DNAL1: variants seen among roughly 807,000 people sequenced by gnomAD.
DNAL1 encodes dynein axonemal light chain 1.
In DNAL1, 17 loss-of-function variants were observed where a neutral mutation model predicts 29.4. The ratio of observed to expected loss-of-function variants is 0.58; its 90% CI spans 0.40 to 0.87. DNAL1 has a LOEUF of 0.87. Among genes scored for constraint, DNAL1 ranks in the 40% least tolerant of loss-of-function variants. DNAL1 has a pLI of 0.00. For missense variants in DNAL1, 188 were observed against 214.1 expected (o/e 0.88, Z 0.76); for synonymous variants, 78 against 76.3 (o/e 1.02, Z -0.12).
At chr14:73,656,843 T>C (rs1323807121) in intron 2 of DNAL1, among the ~76,000 whole-genome samples, 1 of 152,174 alleles carries the variant, frequency 6.6e-6, no homozygotes, top group Non-Finnish European at 1.5e-5. Context: ...CCTACAAATA[T>C]ATGTCATAAA....
At chr14:73,683,377 C>T (rs1400794431) in intron 5 of DNAL1, among the ~76,000 whole-genome samples, 1 of 152,118 alleles carries the variant, frequency 6.6e-6, no homozygotes, top group Non-Finnish European at 1.5e-5. Context: ...ATGCCTTGTG[C>T]TACCACATTA....
rs3041353 is a variant in DNAL1, at chr14:73,691,996, C to CT, written c.532+2500dup. Among the ~76,000 whole-genome samples, 844 of 113,630 alleles carry CT rather than the reference C, an allele frequency of 7.4e-3. 5 individuals are homozygous for CT. Among genetic ancestry groups the CT allele is most frequent in the Non-Finnish European group, 9.0e-3 (525 of 58,114 alleles). The allele number at this position is 113,630 out of a possible 152,430, so 74.5% of individuals were successfully genotyped here. Reference sequence around the variant, plus strand: ...TAGGCGGTGAGCCACTGTGCCCAGACTTTTTTTTTTTTTTTTTTTGAGACA... The same window carrying CT: ...TAGGCGGTGAGCCACTGTGCCCAGACTTTTTTTTTTTTTTTTTTTTGAGACA... On this transcript the variant is annotated intron_variant, in intron 7 of 7. Transcript: ENST00000553645.
intron 5 of DNAL1, among the ~76,000 whole-genome samples, chr14:73,683,225 A>G (rs1891934391): frequency 6.6e-6 from 1 of 152,202 alleles, no homozygotes; most frequent in African/African-American, 2.4e-5. Context: ...TTAAATAACT[A>G]TAAAAAGTAT....
At chr14:73,666,372 A>T (rs1891478267) in intron 4 of DNAL1, among the ~76,000 whole-genome samples, 1 of 152,194 alleles carries the variant, frequency 6.6e-6, no homozygotes, top group African/African-American at 2.4e-5. Flanking sequence ...AATAATCTTA[A>T]AGATTAGAAA....
At chr14:73,656,283 GA>G (rs1189497130) in intron 2 of DNAL1, among the ~76,000 whole-genome samples, 1 of 151,568 alleles carries the variant, frequency 6.6e-6, no homozygotes, top group African/African-American at 2.4e-5. Flanking sequence ...AAATCTTAAG[GA>G]AAAAAAGCAT....
chr14:73,674,013 T>C (rs1474971762), intron 5 of DNAL1, among the ~76,000 whole-genome samples: 1 of 151,704 alleles, frequency 6.6e-6, no homozygotes, highest in Non-Finnish European at 1.5e-5. Flanking sequence ...AATAGCTGTC[T>C]CAGTAAATTA....
At chr14:73,659,026 G>A in intron 3 of DNAL1, 70 bp downstream of exon 3, 3 of 1,091,606 alleles carry the variant, frequency 2.7e-6, no homozygotes, top group Non-Finnish European at 3.8e-6. Flanking sequence ...ACACAAAGTA[G>A]GAAAATATGT....
At chr14:73,664,582 A>T (rs1891431334) in intron 4 of DNAL1, among the ~76,000 whole-genome samples, 1 of 152,162 alleles carries the variant, frequency 6.6e-6, no homozygotes, top group African/African-American at 2.4e-5. Context: ...TAAGATTAAG[A>T]ATGCAGCCAG....
intron 1 of DNAL1, among the ~76,000 whole-genome samples, chr14:73,647,668 C>G (rs1891012435): frequency 6.6e-6 from 1 of 152,164 alleles, no homozygotes. Flanking sequence ...TTAGTTAAGT[C>G]CATGAGGACC....
chr14:73,646,765 TAAAC>T (rs199640294), intron 1 of DNAL1, among the ~76,000 whole-genome samples: 3 of 151,820 alleles, frequency 2.0e-5, no homozygotes, highest in South Asian at 2.1e-4. Flanking sequence ...CTGTCTCAAA[TAAAC>T]AAACAAACAA....
At chr14:73,652,148 G>A (rs914540145) in intron 1 of DNAL1, among the ~76,000 whole-genome samples, 3 of 151,952 alleles carry the variant, frequency 2.0e-5, no homozygotes, top group African/African-American at 4.8e-5. Context: ...TGGTCCTCCC[G>A]CCTCAGCCCC....
intron 7 of DNAL1, among the ~76,000 whole-genome samples, chr14:73,690,639 C>T (rs890635795): frequency 6.8e-5 from 10 of 147,684 alleles, no homozygotes; most frequent in African/African-American, 2.5e-4. Context: ...GCAACAAGAG[C>T]GAAACTCCGT....
intron 5 of DNAL1, among the ~76,000 whole-genome samples, chr14:73,682,337 A>ATTTTTTTTTTTTTTT (rs57403758): frequency 1.1e-5 from 1 of 93,402 alleles, no homozygotes; most frequent in Non-Finnish European, 2.0e-5. Context: ...TGCCTGGCTA[A>ATTTTTTTTTTTTTTT]TTTTTTTTTT....
chr14:73,701,799 C>A lies in DNAL1; in HGVS notation c.*5857C>A, dbSNP rs1892442306. On this transcript the variant is annotated 3_prime_UTR_variant, in exon 8 of 8. Transcript: ENST00000553645. ...AAGAACATTTTAACATCTATGAATA[C>A]CTTGGTAATAATCTTTTATACACAG... 6.6e-6 allele frequency: 1 copy of A among 152,060 alleles called. No individual in the cohort carries two copies. The highest frequency in any genetic ancestry group is 2.4e-5 in the African/African-American group (1 of 41,400). The allele number at this position is 152,060 out of a possible 1,614,324, so 9.4% of individuals were successfully genotyped here.
intron 3 of DNAL1, among the ~76,000 whole-genome samples, chr14:73,661,125 C>T (rs1282438552): frequency 6.6e-6 from 1 of 151,862 alleles, no homozygotes; most frequent in East Asian, 1.9e-4. Flanking sequence ...GATCATGCCA[C>T]TGCACTCCAG....
In DNAL1 at chr14:73,658,854, A is replaced by T; in HGVS notation, c.50A>T (p.Lys17Ile). 1 of 1,603,186 alleles carries T rather than the reference A, an allele frequency of 6.2e-7. No individual in the cohort carries two copies. The highest frequency in any genetic ancestry group is 8.5e-7 in the Non-Finnish European group (1 of 1,174,498). The change falls in exon 3 of 8, where the codon AAA (lysine) becomes ATA (isoleucine). Residue 17 changes from lysine to isoleucine, a missense_variant. Physicochemically the swap from Lys to Ile is moderately radical, Grantham distance 102. Coordinates refer to ENST00000553645, the MANE Select transcript of DNAL1 (RefSeq NM_031427.4). Reference sequence around the variant, plus strand: ...AATGTATTTTTCTCATAGGAAGAGAAAACTGGCCAGAGGCCATCTGAAGCC... The same window carrying T: ...AATGTATTTTTCTCATAGGAAGAGATAACTGGCCAGAGGCCATCTGAAGCC... The part of the protein sequence containing the change: ...IKEALARWEE[K>I]TGQRPSEAKE...
chr14:73,694,816 A>G (rs1892265019), intron 7 of DNAL1, among the ~76,000 whole-genome samples: 1 of 150,930 alleles, frequency 6.6e-6, no homozygotes, highest in African/African-American at 2.4e-5. Context: ...CAGCCTTCTG[A>G]GTAGATGGGA....
chr14:73,672,840 C>T (rs1891647720), intron 5 of DNAL1: 1 of 150,436 alleles, frequency 6.6e-6, no homozygotes, highest in South Asian at 2.1e-4. Flanking sequence ...ACTGCAACCT[C>T]CGCCTCCCGG....
At position 73,703,307 on chromosome 14, in the gene DNAL1, T is replaced by C. The variant is rs1892481263; in HGVS notation, c.*7365T>C. The C allele has an allele frequency of 6.6e-6, 1 of 152,204 alleles. No individual in the cohort carries two copies. Among genetic ancestry groups the C allele is most frequent in the African/African-American group, 2.4e-5 (1 of 41,454 alleles). 9.4% of individuals were successfully genotyped at this position (152,204 alleles called of 1,614,324 possible). A position where few individuals can be genotyped will look rare whatever the true frequency, so the allele number is the denominator to read the frequency against. ...CATGTAGATACATACAATTGTTATATATAATTAAAAGTCAGAATCTTAGGT... is the reference window on the plus strand; with the variant it reads ...CATGTAGATACATACAATTGTTATACATAATTAAAAGTCAGAATCTTAGGT... On this transcript the variant is annotated 3_prime_UTR_variant, in exon 8 of 8. Transcript: ENST00000553645.
Sources: gnomAD v4.1 joint callset for allele counts (sites outside exome capture counted in the v4.1 genomes callset) on GRCh38, gnomAD v4.1.1 for gene constraint, MANE v1.5 for transcripts, NCBI Gene and HGNC (gene_info 2026-07-23, HGNC 2026-07-21) for gene names.